Variants in COL24A1 observed in about 807,000 individuals in gnomAD.
COL24A1 encodes collagen alpha-1(XXIV) chain.
A neutral mutation model predicts 253.9 loss-of-function variants in COL24A1; 224 were observed. That is an observed-to-expected ratio of 0.88 (90% confidence interval 0.79 to 0.99). The LOEUF (loss-of-function observed/expected upper bound fraction) is 0.99, where lower values mean the gene tolerates loss of function less well. Ranked by LOEUF, COL24A1 falls within the 50% of genes least tolerant of loss-of-function variation. The pLI, the probability that COL24A1 is intolerant of heterozygous loss-of-function variation, is 0.00. For missense variants in COL24A1, 2,131 were observed against 2,068.5 expected (o/e 1.03, Z -0.59); for synonymous variants, 685 against 673.7 (o/e 1.02, Z -0.26).
intron 19 of COL24A1, among the ~76,000 whole-genome samples, chr1:86,015,340 T>G (rs1696890061): frequency 6.6e-6 from 1 of 152,222 alleles, no homozygotes; most frequent in African/African-American, 2.4e-5. Context: ...CTCAGGACCT[T>G]ATATTAGTGG....
chr1:86,035,806 C>G (rs1436305554), intron 12 of COL24A1, among the ~76,000 whole-genome samples: 1 of 152,068 alleles, frequency 6.6e-6, no homozygotes, highest in Non-Finnish European at 1.5e-5. Flanking sequence ...GGAATTCACT[C>G]AGGATTGCCT....
intron 20 of COL24A1, among the ~76,000 whole-genome samples, chr1:85,977,432 G>A (rs1242864627): frequency 6.6e-6 from 1 of 152,128 alleles, no homozygotes; most frequent in African/African-American, 2.4e-5. Context: ...GGAGATACCA[G>A]TGAAAGGTGA....
chr1:85,740,132 G>A (rs1293523667), intron 57 of COL24A1, among the ~76,000 whole-genome samples: 2 of 151,994 alleles, frequency 1.3e-5, no homozygotes, highest in Non-Finnish European at 2.9e-5. Flanking sequence ...CCAATCCTAC[G>A]TAAGTTTCTC....
chr1:85,781,170 G>T, intron 52 of COL24A1, 50 bp downstream of exon 52: 1 of 1,320,204 alleles, frequency 7.6e-7, no homozygotes, highest in Non-Finnish European at 1.1e-6. Context: ...TCTAGAAATA[G>T]AATTAAAGAA....
chr1:85,791,281 T>C (rs1010461818), intron 47 of COL24A1, among the ~76,000 whole-genome samples: 133 of 152,194 alleles, frequency 8.7e-4, no homozygotes, highest in East Asian at 3.9e-4. Flanking sequence ...GAGTCAATGC[T>C]GAGATGGAAG....
chr1:85,731,795 C>T (rs1472278650), intron 59 of COL24A1, among the ~76,000 whole-genome samples: 1 of 152,024 alleles, frequency 6.6e-6, no homozygotes, highest in Non-Finnish European at 1.5e-5. Flanking sequence ...TAGTAAATTC[C>T]ACATTTCTAA....
intron 2 of COL24A1, among the ~76,000 whole-genome samples, chr1:86,133,579 A>C (rs1419647005): frequency 1.3e-5 from 2 of 152,180 alleles, no homozygotes; most frequent in African/African-American, 4.8e-5. Context: ...AATTTTGGCA[A>C]AGGCCTTTTC....
chr1:86,085,246 A>C (rs1371422594), intron 7 of COL24A1, among the ~76,000 whole-genome samples: 1 of 152,192 alleles, frequency 6.6e-6, no homozygotes, highest in Non-Finnish European at 1.5e-5. Flanking sequence ...GTCCAACTTT[A>C]TACAGATACT....
intron 37 of COL24A1, among the ~76,000 whole-genome samples, chr1:85,857,225 C>T (rs985327143): frequency 2.0e-5 from 3 of 152,000 alleles, no homozygotes; most frequent in Admixed American, 2.0e-4. Context: ...GTTAAATTTT[C>T]CTGAGCTACT....
At chr1:86,088,799 C>G (rs1323971018) in intron 7 of COL24A1, among the ~76,000 whole-genome samples, 2 of 152,124 alleles carry the variant, frequency 1.3e-5, no homozygotes, top group African/African-American at 4.8e-5. Context: ...AAAGTGACTT[C>G]AAGATCTCAG....
Position 85,961,598 on chromosome 1 carries a change from A to G in COL24A1, c.2518-305T>C, listed in dbSNP as rs367570149. On this transcript the variant is annotated intron_variant, in intron 23 of 59. Coordinates refer to ENST00000370571, the MANE Select transcript of COL24A1 (RefSeq NM_152890.7). ...TCTATTTTCATTCAAATAGTAACGT[A>G]TCAGTCTGTTCTCACACTGCTATAA... 7.9e-5 allele frequency among the ~76,000 whole-genome samples: 12 copies of G among 152,282 alleles called. No individual in the cohort carries two copies. In the South Asian group the frequency reaches 2.5e-3, roughly 32 times the overall value.
intron 7 of COL24A1, among the ~76,000 whole-genome samples, chr1:86,071,331 A>G (rs1168900942): frequency 6.6e-6 from 1 of 152,176 alleles, no homozygotes; most frequent in Non-Finnish European, 1.5e-5. Flanking sequence ...GAATGGAGGA[A>G]AGAAGGAAGA....
At chr1:85,847,422 C>T (rs749612094) in intron 39 of COL24A1, among the ~76,000 whole-genome samples, 2 of 152,040 alleles carry the variant, frequency 1.3e-5, no homozygotes, top group African/African-American at 4.8e-5. Flanking sequence ...CTTTTTAAAA[C>T]CTCATTTCAT....
intron 14 of COL24A1, among the ~76,000 whole-genome samples, chr1:86,028,632 T>A (rs1698267641): frequency 6.6e-6 from 1 of 152,240 alleles, no homozygotes; most frequent in Admixed American, 6.5e-5. Context: ...CAGTCTCAGG[T>A]ATTTCTTCAT....
chr1:85,993,073 G>C (rs952287798), intron 19 of COL24A1, among the ~76,000 whole-genome samples: 1 of 151,718 alleles, frequency 6.6e-6, no homozygotes, highest in Non-Finnish European at 1.5e-5. Flanking sequence ...TAATTCACAT[G>C]CATTTTTTTT....
rs1477927243 is a variant in COL24A1 at position 85,806,072 on chromosome 1, T to C, written c.3951+10716A>G. On this transcript the variant is annotated intron_variant, in intron 47 of 59. Transcript: ENST00000370571. The stretch of plus-strand genomic sequence containing the variant: ...GGTTGGGCGACAGAGCGAGACTCCG[T>C]CTCAAAAAAAAAAAAAAAAAAGAAA... Among the ~76,000 whole-genome samples, 4 of 71,404 alleles carry C rather than the reference T, an allele frequency of 5.6e-5. No individual in the cohort carries two copies. The Admixed American group carries it at 6.1e-4, about 11-fold the overall frequency. 46.8% of individuals were successfully genotyped at this position (71,404 alleles called of 152,430 possible).
chr1:85,807,463 C>T (rs560396345), intron 47 of COL24A1, among the ~76,000 whole-genome samples: 1 of 152,232 alleles, frequency 6.6e-6, no homozygotes, highest in South Asian at 2.1e-4. Context: ...GAGCAATTAT[C>T]ACAATAAGCT....
chr1:85,940,276 C>A (rs1191248723), intron 24 of COL24A1, among the ~76,000 whole-genome samples: 2 of 61,324 alleles, frequency 3.3e-5, no homozygotes, highest in African/African-American at 1.0e-4. Context: ...TGGTAGCGGG[C>A]GCCTGTAGTC....
In COL24A1 at chr1:85,784,261, G is replaced by A; in HGVS notation, c.4165C>T (p.Pro1389Ser). ...PCGDPGLKGQ[P>S]GEYGVQGLTG... ...TGAATTTCTGAGGTGGTACATACAG[G>A]CTGCCCTTTCAGGCCAGGGTCTCCA... The change falls in exon 49 of 60, where the codon CCT becomes TCT. Residue 1389 changes from proline (P) to serine (S), a missense_variant and splice_region_variant. Pro to Ser is a moderately conservative substitution (Grantham distance 74). Transcript: ENST00000370571. 6.2e-7 allele frequency: 1 copy of A among 1,613,758 alleles called. No individual in the cohort carries two copies.
Sources: allele counts gnomAD v4.1 joint callset (sites outside exome capture counted in the v4.1 genomes callset), GRCh38; gene constraint gnomAD v4.1.1; transcripts MANE v1.5; gene names NCBI Gene and HGNC (gene_info 2026-07-23, HGNC 2026-07-21).